The following LMF1 variants were observed in gnomAD, a reference collection of about 807,000 sequenced individuals.
LMF1 encodes the protein lipase maturation factor 1, also known as transmembrane protein 112.
Under a neutral mutation model 60.6 loss-of-function variants are expected in LMF1, and 68 were observed. That is an observed-to-expected ratio of 1.12 (90% CI 0.92 to 1.37). The LOEUF (loss-of-function observed/expected upper bound fraction) is 1.37, where lower values mean the gene tolerates loss of function less well. LMF1 is among the 40% of genes most tolerant of loss of function. The probability of loss-of-function intolerance (pLI) is 0.00; values close to 1 mark genes in which losing one functional copy is unlikely to be tolerated. For synonymous variants in LMF1, 418 were observed against 324.7 expected (o/e 1.29, Z -3.09); for missense variants, 948 against 767.2 (o/e 1.24, Z -2.78).
chr16:966,001 G>T (rs1313741435), intron 1 of LMF1, among the ~76,000 whole-genome samples: 1 of 152,158 alleles, frequency 6.6e-6, no homozygotes. Flanking sequence ...AATATCAGCC[G>T]CAAAGGAAGC....
In LMF1 at chr16:954,207, T is replaced by C. The variant is rs144355307; in HGVS notation, c.503+150A>G. On this transcript the variant is annotated intron_variant, in intron 2 of 10. Coordinates refer to ENST00000262301, the MANE Select transcript of LMF1 (RefSeq NM_022773.4). ...CTGCTGTGGCTGGTGCACTGGCCGC[T>C]CTGCCATGGCCTAAGTAAAATGACA... 2,609 of 865,294 alleles carry C rather than the reference T, an allele frequency of 3.0e-3. 51 individuals are homozygous for C. In the African/African-American group the frequency reaches 0.039, roughly 13 times the overall value. 53.6% of individuals were successfully genotyped at this position (865,294 alleles called of 1,614,324 possible). A position where few individuals can be genotyped will look rare whatever the true frequency, so the allele number is the denominator to read the frequency against.
chr16:898,922 C>T (rs552128482), intron 4 of LMF1: 10 of 152,330 alleles, frequency 6.6e-5, no homozygotes, highest in South Asian at 2.1e-4. Context: ...CCCAGAAAGG[C>T]GTGTTCACGG....
chr16:900,612 C>CA (rs1187731607), intron 4 of LMF1: 1 of 152,178 alleles, frequency 6.6e-6, no homozygotes, highest in African/African-American at 2.4e-5. Flanking sequence ...CAGGTTCAAG[C>CA]AATTCTCCTG....
At chr16:885,443 C>T (rs566431131) in intron 5 of LMF1, among the ~76,000 whole-genome samples, 12 of 152,300 alleles carry the variant, frequency 7.9e-5, no homozygotes, top group African/African-American at 2.9e-4. Flanking sequence ...AAGGGCAGGA[C>T]TTGTCAGACT....
At chr16:955,332 C>A (rs1466341211) in intron 1 of LMF1, among the ~76,000 whole-genome samples, 4 of 151,240 alleles carry the variant, frequency 2.6e-5, no homozygotes, top group African/African-American at 9.7e-5. Flanking sequence ...CATACACACA[C>A]ACACATCTAA....
At chr16:890,555 A>C (rs2151728587) in intron 5 of LMF1, among the ~76,000 whole-genome samples, 1 of 152,132 alleles carries the variant, frequency 6.6e-6, no homozygotes, top group East Asian at 1.9e-4. Context: ...GATGTGGATG[A>C]TAAGGGCCCT....
chr16:932,760 T>G (rs901133013), intron 3 of LMF1, among the ~76,000 whole-genome samples: 2 of 152,184 alleles, frequency 1.3e-5, no homozygotes, highest in African/African-American at 4.8e-5. Context: ...AAGAAAAGAT[T>G]TGTTTATCTA....
At chr16:954,774 G>C (rs2072629727) in intron 1 of LMF1, 108 bp from the exon 2 acceptor site, 4 of 1,045,940 alleles carry the variant, frequency 3.8e-6, no homozygotes, top group South Asian at 1.6e-5. Context: ...GGGAGGCAGA[G>C]TCTGGCTGAC....
intron 3 of LMF1, among the ~76,000 whole-genome samples, chr16:924,570 A>T (rs2071540562): frequency 6.6e-6 from 1 of 152,222 alleles, no homozygotes; most frequent in Non-Finnish European, 1.5e-5. Flanking sequence ...TTAGCGCTGA[A>T]GGTTATAAAA....
intron 3 of LMF1, chr16:933,890 T>C: frequency 8.5e-7 from 1 of 1,180,854 alleles, no homozygotes; most frequent in Non-Finnish European, 1.1e-6. Flanking sequence ...GTGAGCACCG[T>C]GAACCTTCTC....
chr16:874,070 TGG>T lies in LMF1; in HGVS notation c.898-2731_898-2730del, dbSNP rs906942070. 1.3e-5 allele frequency among the ~76,000 whole-genome samples: 2 copies of T among 151,500 alleles called. No homozygotes were observed. The highest frequency in any genetic ancestry group is 2.9e-5 in the Non-Finnish European group (2 of 67,798). On this transcript the variant is annotated intron_variant, in intron 6 of 10. Transcript: ENST00000262301. This position sits in a 1 kb window ranked among gnomAD's most constrained non-coding sequence, Gnocchi z 4.1. ...GTGTGAGGGTCTCCTTTGCCGGGTGTGGGGGGGGTATGGGAAGTTCTGGAACC... is the reference window on the plus strand; with the variant it reads ...GTGTGAGGGTCTCCTTTGCCGGGTGTGGGGGGTATGGGAAGTTCTGGAACC...
intron 4 of LMF1, among the ~76,000 whole-genome samples, chr16:894,137 C>CCCCCT (rs2070585607): frequency 6.5e-4 from 3 of 4,648 alleles, no homozygotes; most frequent in Admixed American, 2.2e-3. Context: ...TCTGCCCACC[C>CCCCCT]GTCCCCTGTC....
intron 2 of LMF1, among the ~76,000 whole-genome samples, chr16:948,804 C>CAGAGACGACAGAGTCAG (rs199693559): frequency 7.6e-6 from 1 of 131,612 alleles, no homozygotes; most frequent in Non-Finnish European, 1.6e-5. Flanking sequence ...ACGACAGAGT[C>CAGAGACGACAGAGTCAG]AGCCAACGAC....
chr16:978,940 G>A, intron 1 of LMF1: 1 of 453,462 alleles, frequency 2.2e-6, no homozygotes, highest in Non-Finnish European at 4.4e-6. Context: ...AGAAGCTTCA[G>A]GGCTCAGCTT....
intron 10 of LMF1, among the ~76,000 whole-genome samples, chr16:859,954 GCAGTGATGGTACCGGATGGGTGTGC>G (rs1567137694): frequency 7.9e-6 from 1 of 126,036 alleles, no homozygotes; most frequent in Admixed American, 7.3e-5. Context: ...GGATGGGTGT[GCAGTGATGGTACCGGATGGGTGTGC>G]AGTGGTGTTA....
chr16:975,635 C>G (rs1183731627), upstream of LMF1: 4 of 371,886 alleles, frequency 1.1e-5, no homozygotes, highest in Non-Finnish European at 2.1e-5. Flanking sequence ...AGGCTGTTGT[C>G]TGAACCAAGG....
chr16:955,086 A>T (rs1253276012), intron 1 of LMF1, among the ~76,000 whole-genome samples: 2 of 145,302 alleles, frequency 1.4e-5, no homozygotes, highest in African/African-American at 2.6e-5. Context: ...GCGTGCCCGC[A>T]GCAGACGCGG....
intron 6 of LMF1, among the ~76,000 whole-genome samples, chr16:875,160 G>A (rs1001195244): frequency 3.3e-5 from 5 of 152,042 alleles, no homozygotes; most frequent in East Asian, 1.9e-4. Flanking sequence ...TGCCTGTGCC[G>A]GGTCTTTGAG....
intron 5 of LMF1, among the ~76,000 whole-genome samples, chr16:880,185 TG>T (rs2070122463): frequency 6.6e-6 from 1 of 151,652 alleles, no homozygotes; most frequent in African/African-American, 2.4e-5. Flanking sequence ...GACACGTGGG[TG>T]GGGACGTGCC....
Sources: allele counts gnomAD v4.1 joint callset (sites outside exome capture counted in the v4.1 genomes callset), GRCh38; gene constraint gnomAD v4.1.1; non-coding constraint Gnocchi (gnomAD v3.1); transcripts MANE v1.5; gene names NCBI Gene and HGNC (gene_info 2026-07-23, HGNC 2026-07-21).